RPA1: variants seen among roughly 807,000 people sequenced by gnomAD.
RPA1 encodes replication protein A1.
RPA1 carries 49 observed loss-of-function variants against 83.0 expected under a neutral mutation model. The ratio of observed to expected loss-of-function variants is 0.59; its 90% CI spans 0.47 to 0.75. RPA1 has a LOEUF of 0.75. RPA1 is among the 30% of genes least tolerant of loss of function. RPA1 has a pLI of 0.00. For synonymous variants in RPA1, 279 were observed against 281.8 expected (o/e 0.99, Z 0.10); for missense variants, 693 against 776.1 (o/e 0.89, Z 1.27).
Position 1,895,094 on chromosome 17 carries a change from A to T in RPA1, c.1745A>T (p.Asn582Ile), listed in dbSNP as rs1914352980. 1 of 1,612,298 alleles carries T rather than the reference A, an allele frequency of 6.2e-7. No individual in the cohort carries two copies. Among genetic ancestry groups the T allele is most frequent in the South Asian group, 1.1e-5 (1 of 91,004 alleles). The change falls in exon 16 of 17, where the codon AAC (asparagine) becomes ATC (isoleucine). Residue 582 changes from asparagine to isoleucine, a missense_variant and splice_region_variant. Physicochemically the swap from Asn to Ile is moderately radical, Grantham distance 149. Transcript: ENST00000254719. ...FRVRVKVETY[N>I]DESRIKATVM... is the part of the protein sequence containing the mutation. ...GTCAGGGTCAAAGTGGAGACCTACAACGTAAGTAAGGGCCTGGGCAGCAGG... is the reference window on the plus strand; with the variant it reads ...GTCAGGGTCAAAGTGGAGACCTACATCGTAAGTAAGGGCCTGGGCAGCAGG...
At chr17:1,847,391 G>A (rs1251787363) in intron 4 of RPA1, among the ~76,000 whole-genome samples, 1 of 152,218 alleles carries the variant, frequency 6.6e-6, no homozygotes, top group Admixed American at 6.5e-5. Context: ...ATTGAGTGCA[G>A]TCCTTGCTGG....
intron 5 of RPA1, among the ~76,000 whole-genome samples, chr17:1,863,769 T>G (rs1567813942): frequency 6.6e-6 from 1 of 152,256 alleles, no homozygotes; most frequent in Non-Finnish European, 1.5e-5. Flanking sequence ...TTCAAATGGT[T>G]GTTATGTTTT....
chr17:1,894,209 C>T (rs17292461), intron 15 of RPA1, among the ~76,000 whole-genome samples: 1,788 of 151,880 alleles, frequency 0.012, 45 homozygotes, highest in African/African-American at 0.041. Context: ...CTCCATAGCC[C>T]ATGCTGGAGT....
Position 1,897,098 on chromosome 17 carries a change from A to G in RPA1, c.1774A>G (p.Met592Val), listed in dbSNP as rs540562046. Residue 592 changes from methionine to valine, a missense_variant, in exon 17 of 17, where the codon ATG (methionine) becomes GTG (valine). Met to Val is a conservative substitution (Grantham distance 21). Coordinates refer to ENST00000254719, the MANE Select transcript of RPA1 (RefSeq NM_002945.5). The stretch of plus-strand genomic sequence containing the variant: ...CGAGTCTCGAATTAAGGCCACTGTG[A>G]TGGACGTGAAGCCCGTGGACTACAG... The part of the protein sequence containing the change: ...NDESRIKATV[M>V]DVKPVDYREY... The G allele has an allele frequency of 2.5e-6, 4 of 1,573,788 alleles. No individual in the cohort carries two copies. The highest frequency in any genetic ancestry group is 4.7e-5 in the East Asian group (2 of 42,674).
At chr17:1,860,090 C>A (rs954927518) in intron 5 of RPA1, among the ~76,000 whole-genome samples, 1 of 152,172 alleles carries the variant, frequency 6.6e-6, no homozygotes, top group Non-Finnish European at 1.5e-5. Context: ...GGGTTAAAGG[C>A]GTGAGCCACC....
chr17:1,875,922 C>CTTTT (rs371878374), intron 7 of RPA1, 129 bp downstream of exon 7: 26 of 542,220 alleles, frequency 4.8e-5, no homozygotes, highest in African/African-American at 9.4e-5. Flanking sequence ...TGGGTTTACT[C>CTTTT]TTTTTTTTTT....
At chr17:1,879,145 G>C in intron 9 of RPA1, 70 bp from the exon 10 acceptor site, 1 of 1,609,460 alleles carries the variant, frequency 6.2e-7, no homozygotes, top group Non-Finnish European at 8.5e-7. Context: ...AGGGGTGTGT[G>C]GTGGCAGACT....
At chr17:1,859,094 G>A (rs1912838792) in intron 5 of RPA1, among the ~76,000 whole-genome samples, 1 of 151,832 alleles carries the variant, frequency 6.6e-6, no homozygotes, top group Admixed American at 6.6e-5. Flanking sequence ...GTAAAGACAG[G>A]GTTTTGCCGT....
chr17:1,864,797 G>T (rs543341555), intron 5 of RPA1, among the ~76,000 whole-genome samples: 11 of 152,172 alleles, frequency 7.2e-5, no homozygotes, highest in South Asian at 2.1e-4. Flanking sequence ...CTACTCGGGA[G>T]GCTGAGGCAG....
intron 13 of RPA1, among the ~76,000 whole-genome samples, chr17:1,885,018 T>C (rs935294844): frequency 3.9e-5 from 6 of 152,196 alleles, no homozygotes; most frequent in Admixed American, 6.5e-5. Flanking sequence ...ATTGGTTGAC[T>C]CTTCCTTTCA....
chr17:1,866,913 A>G (rs1037596939), intron 5 of RPA1, among the ~76,000 whole-genome samples: 3 of 152,182 alleles, frequency 2.0e-5, no homozygotes, highest in Non-Finnish European at 4.4e-5. Flanking sequence ...TGTCGTTTCT[A>G]ATGAGAGATG....
intron 13 of RPA1, among the ~76,000 whole-genome samples, chr17:1,885,629 G>C (rs1419922351): frequency 6.6e-6 from 1 of 152,154 alleles, no homozygotes; most frequent in Non-Finnish European, 1.5e-5. Context: ...TGTAGAGACT[G>C]AGTTGTGTCA....
intron 5 of RPA1, among the ~76,000 whole-genome samples, chr17:1,859,800 T>G (rs1267121131): frequency 6.6e-6 from 1 of 151,996 alleles, no homozygotes; most frequent in African/African-American, 2.4e-5. Flanking sequence ...CCAGCTAATT[T>G]TATTTTGTTT....
chr17:1,868,044 G>T (rs996584431), intron 5 of RPA1, among the ~76,000 whole-genome samples: 1 of 152,024 alleles, frequency 6.6e-6, no homozygotes, highest in Non-Finnish European at 1.5e-5. Flanking sequence ...TGATCATGCC[G>T]CTGTACTCCA....
At chr17:1,894,055 G>A (rs1476796737) in intron 15 of RPA1, among the ~76,000 whole-genome samples, 2 of 142,484 alleles carry the variant, frequency 1.4e-5, no homozygotes, top group East Asian at 4.1e-4. Flanking sequence ...TTTTGGTAGA[G>A]ATGGGGTTTT....
At chr17:1,839,627 C>G (rs1477895997) in intron 1 of RPA1, among the ~76,000 whole-genome samples, 1 of 148,984 alleles carries the variant, frequency 6.7e-6, no homozygotes, top group Non-Finnish European at 1.5e-5. Flanking sequence ...TGCCTGGCCT[C>G]TAGCTTCATT....
chr17:1,883,713 T>C, intron 12 of RPA1, 99 bp from the exon 13 acceptor site: 2 of 1,532,360 alleles, frequency 1.3e-6, no homozygotes, highest in South Asian at 2.3e-5. Context: ...GGGCGGGTGG[T>C]GGGAAACCTG....
chr17:1,879,492 G>A (rs921878201), intron 10 of RPA1, 68 bp from the exon 11 acceptor site: 10 of 1,611,994 alleles, frequency 6.2e-6, no homozygotes, highest in African/African-American at 2.7e-5. Context: ...AGTGCTTGCC[G>A]TTCATCATTT....
intron 5 of RPA1, among the ~76,000 whole-genome samples, chr17:1,869,381 C>A (rs1913296697): frequency 6.6e-6 from 1 of 151,886 alleles, no homozygotes. Context: ...TACTAAAAAT[C>A]ACAAAAATTA....
Sources: gnomAD v4.1 joint callset for allele counts (sites outside exome capture counted in the v4.1 genomes callset) on GRCh38, gnomAD v4.1.1 for gene constraint, MANE v1.5 for transcripts, NCBI Gene and HGNC (gene_info 2026-07-23, HGNC 2026-07-21) for gene names.